DAB2: variants seen among roughly 807,000 people sequenced by gnomAD.
DAB2 encodes disabled homolog 2.
In DAB2, 28 loss-of-function variants were observed where a neutral mutation model predicts 71.6. The ratio of observed to expected loss-of-function variants is 0.39; its 90% CI spans 0.29 to 0.54. DAB2 has a LOEUF of 0.54. DAB2 is among the 20% of genes least tolerant of loss of function. The pLI is 0.68. For synonymous variants in DAB2, 345 were observed against 339.7 expected, an observed-to-expected ratio of 1.02 and a Z score of -0.17; for missense variants, 867 against 928.8, an observed-to-expected ratio of 0.93 and a Z score of 0.86.
At chr5:39,385,591 T>C (rs946549010) in intron 9 of DAB2, among the ~76,000 whole-genome samples, 25 of 152,258 alleles carry the variant, frequency 1.6e-4, no homozygotes, top group African/African-American at 5.5e-4. Flanking sequence ...CTGCCTCCAG[T>C]TGGCCACTGT....
intron 1 of DAB2, among the ~76,000 whole-genome samples, chr5:39,398,806 T>C (rs1182774714): frequency 6.6e-6 from 1 of 152,168 alleles, no homozygotes; most frequent in African/African-American, 2.4e-5. Flanking sequence ...ATCATAGACT[T>C]GTCAAATAGG....
chr5:39,409,938 T>G (rs111419121), intron 1 of DAB2, among the ~76,000 whole-genome samples: 2 of 152,212 alleles, frequency 1.3e-5, no homozygotes, highest in African/African-American at 4.8e-5. Context: ...CACATCTTCT[T>G]TCTTGGTTGT....
intron 3 of DAB2, 126 bp from the exon 4 acceptor site, chr5:39,392,589 G>A (rs79744831): frequency 0.033 from 22,671 of 679,800 alleles, 538 homozygotes; most frequent in South Asian, 0.076. Flanking sequence ...GAGAGGATTC[G>A]GCACTTTTCA....
chr5:39,395,802 C>T (rs966319650), intron 1 of DAB2, among the ~76,000 whole-genome samples: 1 of 152,096 alleles, frequency 6.6e-6, no homozygotes, highest in African/African-American at 2.4e-5. Context: ...CAAAGCCATT[C>T]TTAACTCAGG....
chr5:39,403,131 T>C (rs1755539268), intron 1 of DAB2, among the ~76,000 whole-genome samples: 1 of 152,222 alleles, frequency 6.6e-6, no homozygotes, highest in South Asian at 2.1e-4. Flanking sequence ...ACGCTTTATC[T>C]GCTTAAAGAA....
At chr5:39,392,250 A>C (rs62358406) in intron 4 of DAB2, 115 bp downstream of exon 4, 25,446 of 748,950 alleles carry the variant, frequency 0.034, 632 homozygotes, top group South Asian at 0.076. Flanking sequence ...GTAATATATG[A>C]TATATTTGTT....
chr5:39,395,052 T>C (rs932417802), intron 1 of DAB2, among the ~76,000 whole-genome samples: 3 of 152,212 alleles, frequency 2.0e-5, no homozygotes, highest in Non-Finnish European at 4.4e-5. Context: ...ATTAATCTAG[T>C]ACATTTTTAT....
intron 4 of DAB2, 71 bp downstream of exon 4, chr5:39,392,294 C>T (rs527352646): frequency 8.5e-6 from 10 of 1,174,008 alleles, no homozygotes; most frequent in East Asian, 7.0e-5. Context: ...GAAGGGGAGC[C>T]GAAATTCAAG....
intron 6 of DAB2, 70 bp downstream of exon 6, chr5:39,389,782 G>C: frequency 1.2e-6 from 1 of 867,066 alleles, no homozygotes. Flanking sequence ...GAAGTGCTGG[G>C]ATTATAGGTG....
At chr5:39,399,610 T>G (rs1755450914) in intron 1 of DAB2, among the ~76,000 whole-genome samples, 1 of 152,226 alleles carries the variant, frequency 6.6e-6, no homozygotes, top group African/African-American at 2.4e-5. Context: ...ATGCAGAGAC[T>G]TCCCCCTTCT....
rs564184635 is a variant in DAB2 at position 39,393,349 on chromosome 5, C to T, written c.136G>A (p.Asp46Asn). ...DEYLLARFKG[D>N]GVKYKAKLIG... ...AGCTTGGCCTTATATTTTACACCATCGCCTTTGAACCTTGCTAAGAGATAT... is the reference window on the plus strand; with the variant it reads ...AGCTTGGCCTTATATTTTACACCATTGCCTTTGAACCTTGCTAAGAGATAT... Residue 46 changes from aspartate (D) to asparagine (N), a missense_variant, in exon 3 of 15, where the codon GAT (aspartate) becomes AAT (asparagine). By Grantham distance (23) the Asp-to-Asn change is conservative. Around this residue, in one of 2 missense-constraint regions of DAB2, gnomAD observed 127 missense variants for 194.4 expected, o/e 0.65. Transcript: ENST00000320816. The T allele has an allele frequency of 8.1e-6, 13 of 1,614,024 alleles. No individual in the cohort carries two copies. The highest frequency in any genetic ancestry group is 6.7e-5 in the African/African-American group (5 of 75,024).
rs1373763990 is a variant in DAB2 at position 39,378,193 on chromosome 5, G to A, written c.1505-911C>T. Among the ~76,000 whole-genome samples, 9 of 152,178 alleles carry A rather than the reference G, an allele frequency of 5.9e-5. No homozygotes were observed. In the South Asian group the frequency reaches 6.2e-4, roughly 10 times the overall value. ...TATGTCATCAGGAATTCGTTAAATC[G>A]CCAGAATCCAGGCCTCTCCAATGAT... On this transcript the variant is annotated intron_variant, in intron 11 of 14. Transcript: ENST00000320816.
chr5:39,383,120 A>G lies in DAB2; in HGVS notation c.839T>C (p.Phe280Ser). 3.1e-6 allele frequency: 5 copies of G among 1,614,134 alleles called. No homozygotes were observed. The highest frequency in any genetic ancestry group is 4.2e-6 in the Non-Finnish European group (5 of 1,180,022). ...PQASFLPENA[F>S]SANLNFFPTP... Reference sequence around the variant, plus strand: ...GGGAAAGAAGTTGAGATTGGCAGAAAAGGCATTTTCAGGCAAGAAGGATGC... The same window carrying G: ...GGGAAAGAAGTTGAGATTGGCAGAAGAGGCATTTTCAGGCAAGAAGGATGC... Residue 280 changes from phenylalanine (F) to serine (S), a missense_variant, in exon 10 of 15, where the codon TTT becomes TCT. This residue lies in a region of DAB2 where 740 missense variants were observed against 734.3 expected (regional missense o/e 1.01). Coordinates refer to ENST00000320816, the MANE Select transcript of DAB2 (RefSeq NM_001343.4).
At chr5:39,387,324 A>T (rs1755118112) in intron 9 of DAB2, among the ~76,000 whole-genome samples, 1 of 152,106 alleles carries the variant, frequency 6.6e-6, no homozygotes, top group Non-Finnish European at 1.5e-5. Context: ...ATTATTCTAG[A>T]CTAATTCTCT....
chr5:39,409,267 CAAATATGTTTTGTGGGAATAAATAAAT>C (rs1755670284), intron 1 of DAB2, among the ~76,000 whole-genome samples: 1 of 151,998 alleles, frequency 6.6e-6, no homozygotes, highest in Non-Finnish European at 1.5e-5. Flanking sequence ...AGTATTGGAA[CAAATATGTTTTGTGGGAATAAATAAAT>C]GCACTTTTAA....
chr5:39,373,474 T>C (rs2112014985), intron 14 of DAB2, 49 bp from the exon 15 acceptor site: 1 of 152,536 alleles, frequency 6.6e-6, no homozygotes, highest in East Asian at 1.9e-4. Context: ...ATTTTTGAAC[T>C]GAATATCAAT....
intron 13 of DAB2, 61 bp from the exon 14 acceptor site, chr5:39,375,145 A>T: frequency 7.9e-7 from 1 of 1,259,398 alleles, no homozygotes; most frequent in South Asian, 1.3e-5. Context: ...AAAAATCGCA[A>T]TGAAGACTTC....
At position 39,381,196 on chromosome 5, in the gene DAB2, T is replaced by C. The variant is rs1352996733; in HGVS notation, c.1504+258A>G. Among the ~76,000 whole-genome samples the C allele has an allele frequency of 2.0e-5, 3 of 152,220 alleles. No individual in the cohort carries two copies. In the East Asian group the frequency reaches 5.8e-4, roughly 29 times the overall value. On this transcript the variant is annotated intron_variant, in intron 11 of 14. Transcript: ENST00000320816. The stretch of plus-strand genomic sequence containing the variant: ...CTTACAATTGTCTTTCAGGAAACCA[T>C]GACCAGTTGGTTCAAGTAAGTACAA...
chr5:39,400,975 A>G (rs1346349442), intron 1 of DAB2, among the ~76,000 whole-genome samples: 1 of 152,232 alleles, frequency 6.6e-6, no homozygotes, highest in Non-Finnish European at 1.5e-5. Context: ...GAGGGCAGCA[A>G]ACAGCCTTCA....
Sources: allele counts gnomAD v4.1 joint callset (sites outside exome capture counted in the v4.1 genomes callset), GRCh38; gene constraint gnomAD v4.1.1; regional missense constraint gnomAD v4.1.1; transcripts MANE v1.5; gene names NCBI Gene and HGNC (gene_info 2026-07-23, HGNC 2026-07-21).